The following XKR4 variants were observed in gnomAD, a reference collection of about 807,000 sequenced individuals.
XKR4 encodes the protein XK-related protein 4.
Under a neutral mutation model 53.9 loss-of-function variants are expected in XKR4, and 12 were observed. The observed-to-expected ratio is 0.22, with a 90% CI of 0.14 to 0.36. The LOEUF (loss-of-function observed/expected upper bound fraction) is 0.36. XKR4 is among the 10% of genes least tolerant of loss of function. XKR4 has a pLI of 1.00. For missense variants in XKR4, 799 were observed against 859.5 expected (o/e 0.93, Z 0.88); for synonymous variants, 354 against 362.4 (o/e 0.98, Z 0.26).
chr8:55,454,000 C>T (rs1463457337), intron 2 of XKR4: 2 of 859,994 alleles, frequency 2.3e-6, no homozygotes, highest in African/African-American at 1.6e-5. Flanking sequence ...GGATGACAGG[C>T]TCCGGGTGAA....
intron 1 of XKR4, among the ~76,000 whole-genome samples, chr8:55,146,699 T>G (rs1816776366): frequency 6.6e-6 from 1 of 152,276 alleles, no homozygotes. Context: ...TTTTTTGCTC[T>G]GCTGTCTGGG....
At chr8:55,284,431 A>T (rs931873680) in intron 1 of XKR4, among the ~76,000 whole-genome samples, 1 of 152,160 alleles carries the variant, frequency 6.6e-6, no homozygotes. Context: ...AGTCACCTGA[A>T]GGCTTGACTG....
At position 55,459,376 on chromosome 8, in the gene XKR4, T is replaced by A. The variant is rs1805615280; in HGVS notation, c.1007-63905T>A. On this transcript the variant is annotated intron_variant, in intron 2 of 2. Transcript: ENST00000327381. ...TTTCTGGCCTTAATTTAGGCAAAAT[T>A]TTACTTGATTGGATACCAAAAGTGT... 1.3e-5 allele frequency among the ~76,000 whole-genome samples: 2 copies of A among 152,114 alleles called. 1 individual carries two copies. The highest frequency in any genetic ancestry group is 2.9e-5 in the Non-Finnish European group (2 of 68,016).
At chr8:55,380,508 G>A (rs773023788) in intron 2 of XKR4, among the ~76,000 whole-genome samples, 1 of 152,244 alleles carries the variant, frequency 6.6e-6, no homozygotes, top group Non-Finnish European at 1.5e-5. Context: ...TTCTTATGCA[G>A]ACATTGAGAC....
intron 1 of XKR4, among the ~76,000 whole-genome samples, chr8:55,356,300 C>G (rs917304482): frequency 6.6e-6 from 1 of 152,138 alleles, no homozygotes; most frequent in South Asian, 2.1e-4. Context: ...CAAAAGCAGT[C>G]GAACTTGAAG....
chr8:55,185,138 A>G lies in XKR4; in HGVS notation c.806+81844A>G, dbSNP rs76909662. ...TAACACAAAGTAAATTTATTTTTTA[A>G]TAGCTTGGTTTGATGAAAAGGGATC... On this transcript the variant is annotated intron_variant, in intron 1 of 2. Coordinates refer to ENST00000327381, the MANE Select transcript of XKR4 (RefSeq NM_052898.2). 8.7e-3 allele frequency among the ~76,000 whole-genome samples: 1,324 copies of G among 152,344 alleles called. 18 individuals carry two copies. The highest frequency in any genetic ancestry group is 0.031 in the African/African-American group (1,269 of 41,582).
intron 1 of XKR4, chr8:55,161,491 T>C (rs2306454): frequency 0.022 from 9,813 of 454,888 alleles, 346 homozygotes; most frequent in East Asian, 0.12. Flanking sequence ...GGGTCCTTTA[T>C]AGCCACCATC....
intron 1 of XKR4, among the ~76,000 whole-genome samples, chr8:55,327,887 A>G (rs1179835577): frequency 6.6e-6 from 1 of 152,208 alleles, no homozygotes; most frequent in African/African-American, 2.4e-5. Context: ...ATTCACATGG[A>G]TAACTCTAGC....
At chr8:55,238,365 G>C (rs983803565) in intron 1 of XKR4, among the ~76,000 whole-genome samples, 5 of 152,212 alleles carry the variant, frequency 3.3e-5, no homozygotes, top group African/African-American at 1.2e-4. Context: ...TCATAAAGGT[G>C]TTCATCCTTA....
At chr8:55,347,308 C>T (rs1458389715) in intron 1 of XKR4, among the ~76,000 whole-genome samples, 1 of 152,146 alleles carries the variant, frequency 6.6e-6, no homozygotes, top group Non-Finnish European at 1.5e-5. Flanking sequence ...ATGCAATTTA[C>T]ATGTTCAGAA....
At chr8:55,237,921 G>A (rs1026656968) in intron 1 of XKR4, among the ~76,000 whole-genome samples, 1 of 151,518 alleles carries the variant, frequency 6.6e-6, no homozygotes, top group African/African-American at 2.4e-5. Flanking sequence ...CCTAGCTGAA[G>A]AGCTTAGGTA....
At chr8:55,391,420 G>C (rs1481582443) in intron 2 of XKR4, among the ~76,000 whole-genome samples, 1 of 152,178 alleles carries the variant, frequency 6.6e-6, no homozygotes, top group Non-Finnish European at 1.5e-5. Context: ...GGAGCATAAT[G>C]TACGTTTAAA....
chr8:55,421,672 C>T (rs989099168), intron 2 of XKR4, among the ~76,000 whole-genome samples: 1 of 152,198 alleles, frequency 6.6e-6, no homozygotes, highest in Non-Finnish European at 1.5e-5. Flanking sequence ...TTGGGCTACA[C>T]GCCTGGGTTT....
chr8:55,374,018 G>A (rs1306914266), intron 2 of XKR4, among the ~76,000 whole-genome samples: 1 of 152,080 alleles, frequency 6.6e-6, no homozygotes, highest in Non-Finnish European at 1.5e-5. Context: ...GGCCAAGTGC[G>A]GTAGCACAGC....
intron 2 of XKR4, among the ~76,000 whole-genome samples, chr8:55,382,648 CGTCTGTTAAAAA>C (rs1804252678): frequency 6.6e-6 from 1 of 152,080 alleles, no homozygotes; most frequent in Admixed American, 6.6e-5. Flanking sequence ...GGGGGAAATT[CGTCTGTTAAAAA>C]GTCTGTTACA....
chr8:55,289,731 A>AAGAGAGAGAAAG (rs1004451409), intron 1 of XKR4, among the ~76,000 whole-genome samples: 3 of 48,526 alleles, frequency 6.2e-5, no homozygotes, highest in Non-Finnish European at 2.7e-4. Context: ...AAGAGAAAGA[A>AAGAGAGAGAAAG]AGAAAGAAAG....
At chr8:55,449,843 C>T in intron 2 of XKR4, 2 of 1,072,238 alleles carry the variant, frequency 1.9e-6, no homozygotes. Context: ...CCTGTTCTCA[C>T]TCTCAGCTGT....
chr8:55,338,491 G>A lies in XKR4; in HGVS notation c.807-19187G>A, dbSNP rs116119395. Among the ~76,000 whole-genome samples the A allele has an allele frequency of 4.0e-3, 602 of 152,318 alleles. 3 individuals are homozygous for A. The highest frequency in any genetic ancestry group is 0.013 in the African/African-American group (555 of 41,562). ...TGGACACATGGAGACAGGATAGAGG[G>A]GGGCATTTATCCAATAACTCCTCCC... On this transcript the variant is annotated intron_variant, in intron 1 of 2. Coordinates refer to ENST00000327381, the MANE Select transcript of XKR4 (RefSeq NM_052898.2).
rs893770836 is a variant in XKR4 at position 55,157,650 on chromosome 8, T to G, written c.806+54356T>G. 4.6e-5 allele frequency among the ~76,000 whole-genome samples: 7 copies of G among 152,144 alleles called. No homozygotes were observed. In the East Asian group the frequency reaches 1.2e-3, roughly 25 times the overall value. On this transcript the variant is annotated intron_variant, in intron 1 of 2. Coordinates refer to ENST00000327381, the MANE Select transcript of XKR4 (RefSeq NM_052898.2). The stretch of plus-strand genomic sequence containing the variant: ...AATAAGCATAGTACCTGATGGGTAG[T>G]TTTTTTTATTCTCACCCTCTTCCCA...
Sources: gnomAD v4.1 joint callset for allele counts (sites outside exome capture counted in the v4.1 genomes callset) on GRCh38, gnomAD v4.1.1 for gene constraint, MANE v1.5 for transcripts, NCBI Gene and HGNC (gene_info 2026-07-23, HGNC 2026-07-21) for gene names.